The following NAV3 variants were observed in gnomAD, a reference collection of about 807,000 sequenced individuals.
NAV3 encodes pore membrane and/or filament interacting like protein 1.
Under a neutral mutation model 244.7 loss-of-function variants are expected in NAV3, and 87 were observed. The observed-to-expected ratio is 0.36, with a 90% CI of 0.30 to 0.42. NAV3 has a LOEUF of 0.42. Among genes scored for constraint, NAV3 ranks in the 20% least tolerant of loss-of-function variants. The pLI is 1.00. For missense variants in NAV3, 2,663 were observed against 2,893.3 expected, an observed-to-expected ratio of 0.92 and a Z score of 1.83; for synonymous variants, 1,126 against 1,042.2, an observed-to-expected ratio of 1.08 and a Z score of -1.55.
intron 2 of NAV3, among the ~76,000 whole-genome samples, chr12:77,663,056 C>T (rs1163577999): frequency 1.3e-5 from 2 of 152,134 alleles, no homozygotes; most frequent in African/African-American, 4.8e-5. Flanking sequence ...TTAATTTTCA[C>T]TTAAATGTTG....
Position 78,007,208 on chromosome 12 carries a change from C to G in NAV3, c.1670C>G (p.Thr557Ser), listed in dbSNP as rs1240266791. ...ASKESEKFRTTKGSPSQSLSK... is the reference protein window; with the variant it reads ...ASKESEKFRTSKGSPSQSLSK... Reference sequence around the variant, plus strand: ...AAAGAGTCTGAGAAATTCAGGACTACCAAGGGGAGCCCTTCCCAGTCCTTA... The same window carrying G: ...AAAGAGTCTGAGAAATTCAGGACTAGCAAGGGGAGCCCTTCCCAGTCCTTA... The change falls in exon 8 of 40, where the codon ACC (threonine) becomes AGC (serine). Residue 557 changes from threonine to serine, a missense_variant. Thr to Ser is a moderately conservative substitution (Grantham distance 58). Coordinates refer to ENST00000397909, the MANE Select transcript of NAV3 (RefSeq NM_001024383.2). The G allele has an allele frequency of 6.2e-7, 1 of 1,614,182 alleles. No individual in the cohort carries two copies. Among genetic ancestry groups the G allele is most frequent in the Non-Finnish European group, 8.5e-7 (1 of 1,180,030 alleles).
chr12:77,881,532 C>T (rs922846267), intron 1 of NAV3, among the ~76,000 whole-genome samples: 2 of 152,078 alleles, frequency 1.3e-5, no homozygotes, highest in African/African-American at 4.8e-5. Flanking sequence ...GACAAGGATG[C>T]CCACTCTCAC....
At chr12:77,727,798 G>C (rs961410392) in intron 2 of NAV3, among the ~76,000 whole-genome samples, 2 of 151,910 alleles carry the variant, frequency 1.3e-5, no homozygotes, top group African/African-American at 4.8e-5. Flanking sequence ...TATACTGTTA[G>C]GAAATTGTGC....
At chr12:78,200,414 T>G in intron 37 of NAV3, 59 bp from the exon 38 acceptor site, 1 of 1,013,624 alleles carries the variant, frequency 9.9e-7, no homozygotes, top group Non-Finnish European at 1.4e-6. Context: ...GGTGTCTAGA[T>G]ATGTGTTTAG....
intron 3 of NAV3, among the ~76,000 whole-genome samples, chr12:77,965,288 A>G (rs1290182328): frequency 1.3e-5 from 2 of 152,118 alleles, no homozygotes; most frequent in African/African-American, 4.8e-5. Flanking sequence ...TTCACCCTAA[A>G]TGAATATAAA....
chr12:77,708,407 A>G (rs1875939566), intron 2 of NAV3, among the ~76,000 whole-genome samples: 1 of 152,112 alleles, frequency 6.6e-6, no homozygotes, highest in African/African-American at 2.4e-5. Flanking sequence ...GTTCTGTTCC[A>G]TTGATCTATA....
At chr12:78,140,823 G>GTT (rs200316820) in intron 20 of NAV3, among the ~76,000 whole-genome samples, 2 of 67,584 alleles carry the variant, frequency 3.0e-5, no homozygotes, top group East Asian at 6.6e-4. Flanking sequence ...AACCAGAGAT[G>GTT]TTTTTTTTTA....
At chr12:77,947,963 C>T (rs1007180985) in intron 3 of NAV3, among the ~76,000 whole-genome samples, 3 of 151,840 alleles carry the variant, frequency 2.0e-5, no homozygotes, top group African/African-American at 7.2e-5. Flanking sequence ...GTATGTATGA[C>T]CCAGGAAAAG....
chr12:77,796,847 T>G (rs886954365), intron 2 of NAV3, among the ~76,000 whole-genome samples: 2 of 149,898 alleles, frequency 1.3e-5, no homozygotes, highest in Non-Finnish European at 3.0e-5. Context: ...TAATTAAGGT[T>G]TTTTTTTTTA....
intron 2 of NAV3, among the ~76,000 whole-genome samples, chr12:77,623,106 G>C (rs1316988158): frequency 2.0e-5 from 3 of 152,114 alleles, no homozygotes; most frequent in Non-Finnish European, 2.9e-5. Flanking sequence ...TGTCTGTTTT[G>C]GATGTCTTGG....
chr12:78,156,596 C>A (rs954978133), intron 22 of NAV3, among the ~76,000 whole-genome samples: 12 of 151,978 alleles, frequency 7.9e-5, no homozygotes, highest in African/African-American at 2.9e-4. Flanking sequence ...TTTAAGGATT[C>A]ATAGTAGAAT....
intron 3 of NAV3, among the ~76,000 whole-genome samples, chr12:77,961,458 A>T (rs1017387226): frequency 8.1e-6 from 1 of 123,626 alleles, no homozygotes; most frequent in Admixed American, 1.0e-4. Context: ...TAATATATGT[A>T]TATATACATA....
chr12:78,067,997 G>A (rs1039849989), intron 12 of NAV3, among the ~76,000 whole-genome samples: 6 of 151,984 alleles, frequency 3.9e-5, no homozygotes, highest in Non-Finnish European at 8.8e-5. Flanking sequence ...AGAGGAGGAG[G>A]AAGAGGAGGA....
At chr12:77,614,813 G>A (rs1213781751) in intron 2 of NAV3, among the ~76,000 whole-genome samples, 1 of 152,188 alleles carries the variant, frequency 6.6e-6, no homozygotes, top group Non-Finnish European at 1.5e-5. Context: ...TTGGTGCATA[G>A]TAAGTACTTT....
At chr12:77,674,896 T>C (rs895252401) in intron 2 of NAV3, among the ~76,000 whole-genome samples, 2 of 152,336 alleles carry the variant, frequency 1.3e-5, no homozygotes, top group African/African-American at 4.8e-5. Context: ...ACAAATATTC[T>C]GTATTTGTAT....
rs374733885 is a variant in NAV3, at chr12:77,862,236, T to A, written c.243+30532T>A. Reference sequence around the variant, plus strand: ...ATGTTCTATATCATTAAAATAATGGTTTTTAATGTTTTTAAGTTAAATATA... The same window carrying A: ...ATGTTCTATATCATTAAAATAATGGATTTTAATGTTTTTAAGTTAAATATA... On this transcript the variant is annotated intron_variant, in intron 1 of 39. Coordinates refer to ENST00000397909, the MANE Select transcript of NAV3 (RefSeq NM_001024383.2). 4.6e-5 allele frequency among the ~76,000 whole-genome samples: 7 copies of A among 151,776 alleles called. No homozygotes were observed. In the East Asian group the frequency reaches 1.4e-3, roughly 29 times the overall value.
chr12:78,185,636 C>T lies in NAV3; in HGVS notation c.5728C>T (p.His1910Tyr). The change falls in exon 31 of 40, where the codon CAT (histidine) becomes TAT (tyrosine). Residue 1910 changes from histidine to tyrosine, a missense_variant. By Grantham distance (83) the His-to-Tyr change is moderately conservative. Coordinates refer to ENST00000397909, the MANE Select transcript of NAV3 (RefSeq NM_001024383.2). ...AGATGATGCTGGTGATGCAACTGGA[C>T]ATAAAGATGGCCGCAGTGTGAAAAT... is the stretch of plus-strand genomic sequence containing the variant. ...LLDDAGDATG[H>Y]KDGRSVKIIV... The T allele has an allele frequency of 6.2e-7, 1 of 1,608,520 alleles. No individual in the cohort carries two copies. Among genetic ancestry groups the T allele is most frequent in the South Asian group, 1.1e-5 (1 of 90,916 alleles).
intron 12 of NAV3, among the ~76,000 whole-genome samples, chr12:78,107,018 C>T (rs1954835718): frequency 6.6e-6 from 1 of 152,276 alleles, no homozygotes; most frequent in African/African-American, 2.4e-5. Context: ...AGCCACAGTA[C>T]CCTATCCAAA....
intron 2 of NAV3, among the ~76,000 whole-genome samples, chr12:77,737,488 G>C (rs1877385680): frequency 6.6e-6 from 1 of 151,864 alleles, no homozygotes; most frequent in African/African-American, 2.4e-5. Context: ...TATAGGCGTT[G>C]ACACAATTTT....
Sources: gnomAD v4.1 joint callset for allele counts (sites outside exome capture counted in the v4.1 genomes callset) on GRCh38, gnomAD v4.1.1 for gene constraint, MANE v1.5 for transcripts, NCBI Gene and HGNC (gene_info 2026-07-23, HGNC 2026-07-21) for gene names.